PKD2L2: variants seen among roughly 807,000 people sequenced by gnomAD.
The protein encoded by PKD2L2 is polycystin 2 like 2, transient receptor potential cation channel.
Under a neutral mutation model 83.9 loss-of-function variants are expected in PKD2L2, and 67 were observed. That is an observed-to-expected ratio of 0.80 (90% CI 0.66 to 0.98). The LOEUF (loss-of-function observed/expected upper bound fraction) is 0.98, where lower values mean the gene tolerates loss of function less well. Ranked by LOEUF, PKD2L2 falls within the 50% of genes least tolerant of loss-of-function variation. The pLI, the probability that PKD2L2 is intolerant of heterozygous loss-of-function variation, is 0.00. For synonymous variants in PKD2L2, 223 were observed against 237.8 expected, an observed-to-expected ratio of 0.94 and a Z score of 0.57; for missense variants, 632 against 717.2, an observed-to-expected ratio of 0.88 and a Z score of 1.36.
At chr5:137,901,400 G>C (rs941520360) in intron 5 of PKD2L2, among the ~76,000 whole-genome samples, 17 of 85,798 alleles carry the variant, frequency 2.0e-4, no homozygotes, top group African/African-American at 6.1e-4. Flanking sequence ...AGACAATAGT[G>C]CCCTATTCTG....
chr5:137,892,813 A>T (rs953947873), intron 3 of PKD2L2, among the ~76,000 whole-genome samples, 200 bp downstream of exon 3: 23 of 152,212 alleles, frequency 1.5e-4, no homozygotes, highest in African/African-American at 2.2e-4. Context: ...GTAATTTTTT[A>T]AAAAATTTTT....
intron 1 of PKD2L2, chr5:137,890,158 C>G (rs772187641): frequency 1.0e-5 from 2 of 195,316 alleles, no homozygotes; most frequent in South Asian, 1.1e-4. Flanking sequence ...TGGCGCGCGC[C>G]TGTAGTCCCA....
intron 12 of PKD2L2, among the ~76,000 whole-genome samples, chr5:137,928,756 G>C (rs1407394344): frequency 6.6e-6 from 1 of 152,162 alleles, no homozygotes; most frequent in Non-Finnish European, 1.5e-5. Context: ...ATTACATAGT[G>C]ATGGCATCTC....
intron 14 of PKD2L2, chr5:137,938,503 C>T (rs1183680167): frequency 6.6e-6 from 1 of 152,514 alleles, no homozygotes; most frequent in African/African-American, 2.4e-5. Flanking sequence ...AAAAATGATA[C>T]ATCTTTTGGT....
chr5:137,899,632 A>G lies in PKD2L2; in HGVS notation c.641A>G (p.Lys214Arg). 6.2e-7 allele frequency: 1 copy of G among 1,613,662 alleles called. No individual in the cohort carries two copies. The highest frequency in any genetic ancestry group is 8.5e-7 in the Non-Finnish European group (1 of 1,179,500). The change falls in exon 5 of 15, where the codon AAG becomes AGG. Residue 214 changes from lysine to arginine, a missense_variant. Around this residue, in one of 3 missense-constraint regions of PKD2L2, gnomAD observed 229 missense variants for 281.5 expected, o/e 0.81. Coordinates refer to ENST00000508883, the MANE Select transcript of PKD2L2 (RefSeq NM_001300921.2). ...LSKSKSETKNKFIDLRLNSWI... is the reference protein window; with the variant it reads ...LSKSKSETKNRFIDLRLNSWI... ...AAATCGAAATCTGAAACCAAAAACA[A>G]GTTCATTGACCTTCGACTGAACAGC...
Position 137,897,189 on chromosome 5 carries a change from TGGGACTACAGGCACATGCCAC to T in PKD2L2, c.525-2326_525-2306del, listed in dbSNP as rs1756559246. Among the ~76,000 whole-genome samples, 3 of 151,934 alleles carry T rather than the reference TGGGACTACAGGCACATGCCAC, an allele frequency of 2.0e-5. No individual in the cohort carries two copies. The South Asian group carries it at 6.2e-4, about 32-fold the overall frequency. ...CTCCTGCCTCAGCCTCCCAAGTAGC[TGGGACTACAGGCACATGCCAC>T]CACACCCAGATAATTTTTGTGTTTT... On this transcript the variant is annotated intron_variant, in intron 4 of 14. Transcript: ENST00000508883.
chr5:137,905,505 G>A (rs1394026273), intron 5 of PKD2L2, among the ~76,000 whole-genome samples: 1 of 152,106 alleles, frequency 6.6e-6, no homozygotes, highest in Non-Finnish European at 1.5e-5. Context: ...AATATCTTTA[G>A]TAGGAATAAT....
intron 5 of PKD2L2, among the ~76,000 whole-genome samples, chr5:137,901,495 C>G (rs999105254): frequency 6.6e-6 from 1 of 152,102 alleles, no homozygotes; most frequent in Non-Finnish European, 1.5e-5. Context: ...AATAGGCTTA[C>G]TCTACTGTTT....
chr5:137,932,725 G>A (rs1212995605), intron 12 of PKD2L2, among the ~76,000 whole-genome samples: 1 of 152,120 alleles, frequency 6.6e-6, no homozygotes. Context: ...ACCCAGAAGT[G>A]TTTTAGAGTT....
intron 2 of PKD2L2, among the ~76,000 whole-genome samples, chr5:137,891,136 AGAG>A (rs1755940019): frequency 6.6e-6 from 1 of 152,224 alleles, no homozygotes; most frequent in Non-Finnish European, 1.5e-5. Context: ...TAATATGCAA[AGAG>A]GAGTATTAAA....
intron 5 of PKD2L2, among the ~76,000 whole-genome samples, chr5:137,904,770 A>C (rs1757232301): frequency 1.3e-5 from 2 of 152,208 alleles, no homozygotes; most frequent in African/African-American, 4.8e-5. Context: ...AAAGTTAAAA[A>C]AAATTTACTT....
rs1758917439 is a variant in PKD2L2 at position 137,921,637 on chromosome 5, T to C, written c.1330T>C (p.Phe444Leu). The C allele has an allele frequency of 1.3e-6, 2 of 1,579,018 alleles. No homozygotes were observed. Among genetic ancestry groups the C allele is most frequent in the Non-Finnish European group, 1.7e-6 (2 of 1,155,680 alleles). ...TTCTACTGTTTTTCTTTCTTAAAGA[T>C]TTGCACAATTTCGAATTGTTCTTGG... ...DDFSTFQNSI[F>L]AQFRIVLGDF... Residue 444 changes from phenylalanine (F) to leucine (L), a missense_variant and splice_region_variant, in exon 9 of 15, where the codon TTT becomes CTT. Around this residue, in one of 3 missense-constraint regions of PKD2L2, gnomAD observed 399 missense variants for 416.9 expected, o/e 0.96. Coordinates refer to ENST00000508883, the MANE Select transcript of PKD2L2 (RefSeq NM_001300921.2).
chr5:137,942,068 C>G, intron 14 of PKD2L2: 1 of 1,551,142 alleles, frequency 6.4e-7, no homozygotes, highest in Non-Finnish European at 8.9e-7. Context: ...TGGTAAAATA[C>G]TGAAGGGCAC....
intron 14 of PKD2L2, chr5:137,937,836 CCT>C (rs1392563062): frequency 6.6e-6 from 1 of 152,052 alleles, no homozygotes; most frequent in Non-Finnish European, 1.5e-5. Flanking sequence ...GTTTAGTGAC[CCT>C]GTTGTTCCCT....
At chr5:137,913,980 A>C (rs1580942087) in intron 8 of PKD2L2, among the ~76,000 whole-genome samples, 3 of 117,886 alleles carry the variant, frequency 2.5e-5, no homozygotes, top group African/African-American at 6.8e-5. Flanking sequence ...CAGTCCTACC[A>C]CCTCATTTTC....
Position 137,890,562 on chromosome 5 carries a change from T to G in PKD2L2, c.113T>G (p.Phe38Cys). 1 of 1,477,562 alleles carries G rather than the reference T, an allele frequency of 6.8e-7. No individual in the cohort carries two copies. The highest frequency in any genetic ancestry group is 9.4e-7 in the Non-Finnish European group (1 of 1,068,696). The allele number at this position is 1,477,562 out of a possible 1,614,324, so 91.5% of individuals were successfully genotyped here. Residue 38 changes from phenylalanine (F) to cysteine (C), a missense_variant, in exon 2 of 15, where the codon TTT becomes TGT. Around this residue, in one of 3 missense-constraint regions of PKD2L2, gnomAD observed 229 missense variants for 281.5 expected, o/e 0.81. Coordinates refer to ENST00000508883, the MANE Select transcript of PKD2L2 (RefSeq NM_001300921.2). ...TLQELLLYFI[F>C]LINLCILTFG... ...CAGGAATTGTTACTCTACTTTATTT[T>G]TTTAATAAACCTATGTATATGTAAG...
At chr5:137,896,919 T>G (rs1292951977) in intron 4 of PKD2L2, among the ~76,000 whole-genome samples, 2 of 146,082 alleles carry the variant, frequency 1.4e-5, no homozygotes, top group East Asian at 3.9e-4. Context: ...GGATTAATCA[T>G]TGCTGGGTTT....
chr5:137,898,601 G>A (rs187188891), intron 4 of PKD2L2, among the ~76,000 whole-genome samples: 7 of 152,152 alleles, frequency 4.6e-5, no homozygotes, highest in Admixed American at 3.9e-4. Context: ...TACAGTGCAG[G>A]GACTATTCAC....
chr5:137,935,828 G>A lies in PKD2L2; in HGVS notation c.1703G>A (p.Trp568Ter), dbSNP rs1554111430. 1.9e-6 allele frequency: 3 copies of A among 1,609,670 alleles called. No individual in the cohort carries two copies. The highest frequency in any genetic ancestry group is 2.6e-6 in the Non-Finnish European group (3 of 1,176,124). ...CAAAACGCAGAGCAGATGAAAAAATGGAAAGAGAGGCTTGAGAAAAAGTAT... is the reference window on the plus strand; with the variant it reads ...CAAAACGCAGAGCAGATGAAAAAATAGAAAGAGAGGCTTGAGAAAAAGTAT... ...EIQNAEQMKKWKERLEKKYYS... is the reference protein window; with the variant it reads ...EIQNAEQMKK The change falls in exon 13 of 15, where the codon TGG (tryptophan) becomes TAG (stop). Residue 568 changes from tryptophan to a stop codon, truncating the protein, a stop_gained. Transcript: ENST00000508883. LOFTEE classifies it high-confidence loss of function.
Sources: allele counts gnomAD v4.1 joint callset (sites outside exome capture counted in the v4.1 genomes callset), GRCh38; gene constraint gnomAD v4.1.1; regional missense constraint gnomAD v4.1.1; transcripts MANE v1.5; gene names NCBI Gene and HGNC (gene_info 2026-07-23, HGNC 2026-07-21).